Variants in INTS11 observed in about 807,000 individuals in gnomAD.
INTS11 encodes integrator complex subunit 11, also known as CPSF3-like protein.
A neutral mutation model predicts 78.6 loss-of-function variants in INTS11; 77 were observed. The observed-to-expected ratio is 0.98, with a 90% CI of 0.81 to 1.18. The LOEUF is 1.18. INTS11 is among the 50% of genes most tolerant of loss of function. The pLI, the probability that INTS11 is intolerant of heterozygous loss-of-function variation, is 0.00. For synonymous variants in INTS11, 441 were observed against 326.9 expected, an observed-to-expected ratio of 1.35 and a Z score of -3.77; for missense variants, 875 against 825.9, an observed-to-expected ratio of 1.06 and a Z score of -0.73.
In INTS11 at chr1:1,315,607, CTCA is replaced by C; in HGVS notation, c.438_440del (p.Asp146del). 6.2e-7 allele frequency: 1 copy of C among 1,609,632 alleles called. No homozygotes were observed. The highest frequency in any genetic ancestry group is 8.5e-7 in the Non-Finnish European group (1 of 1,178,524). ...CTGCATAGTAGGCCTTGATCTCCAG[CTCA>C]TCATCTACCTGTGGAGGACAGGGCT... On this transcript the variant is annotated inframe_deletion, in exon 5 of 17. Transcript: ENST00000435064.
chr1:1,318,910 G>A lies in INTS11; in HGVS notation c.429+386C>T, dbSNP rs1419619645. 3 of 712,790 alleles carry A rather than the reference G, an allele frequency of 4.2e-6. No individual in the cohort carries two copies. The South Asian group carries it at 4.5e-5, about 11-fold the overall frequency. 44.2% of individuals were successfully genotyped at this position (712,790 alleles called of 1,614,324 possible). On this transcript the variant is annotated intron_variant, in intron 4 of 16. Coordinates refer to ENST00000435064, the MANE Select transcript of INTS11 (RefSeq NM_017871.6). Reference sequence around the variant, plus strand: ...CAGAACCAGGCACCCTCCAGAGCTGGCCCATCTCCCCTCCAGCCCCTGCCT... The same window carrying A: ...CAGAACCAGGCACCCTCCAGAGCTGACCCATCTCCCCTCCAGCCCCTGCCT...
chr1:1,315,106 T>C (rs1190628767), intron 6 of INTS11, 144 bp from the exon 7 acceptor site: 4 of 1,039,966 alleles, frequency 3.8e-6, no homozygotes, highest in East Asian at 2.6e-5. Context: ...TAAAATGCTG[T>C]GGGCAGCACA....
At chr1:1,320,967 C>G (rs780878845) in intron 2 of INTS11, 29 bp downstream of exon 2, 1 of 1,595,836 alleles carries the variant, frequency 6.3e-7, no homozygotes, top group South Asian at 1.1e-5. Flanking sequence ...GCTCTCCCAG[C>G]CTCTGGGCCT....
Position 1,314,433 on chromosome 1 carries a change from G to A in INTS11, c.703-68C>T, listed in dbSNP as rs1274373602. 3 of 1,437,876 alleles carry A rather than the reference G, an allele frequency of 2.1e-6. No homozygotes were observed. Among genetic ancestry groups the A allele is most frequent in the Admixed American group, 2.1e-5 (1 of 46,804 alleles). 89.1% of individuals were successfully genotyped at this position (1,437,876 alleles called of 1,614,324 possible). A position where few individuals can be genotyped will look rare whatever the true frequency, so the allele number is the denominator to read the frequency against. ...CGACACAGCAGGCAGCGTCCAGTGA[G>A]GGCACGGCCAGGTGCCCAAGAGCTG... On this transcript the variant is annotated intron_variant, in intron 7 of 16. Coordinates refer to ENST00000435064, the MANE Select transcript of INTS11 (RefSeq NM_017871.6). The surrounding 1 kb of genome is among the most constrained non-coding windows in gnomAD (Gnocchi z 4.2).
intron 3 of INTS11, chr1:1,319,747 G>A: frequency 1.8e-6 from 1 of 568,372 alleles, no homozygotes. Flanking sequence ...ACACGTCGGT[G>A]ACGGCGACAT....
chr1:1,320,920 C>T (rs991403912), intron 2 of INTS11, 76 bp downstream of exon 2: 11 of 1,318,076 alleles, frequency 8.3e-6, no homozygotes, highest in African/African-American at 5.8e-5. Flanking sequence ...CCCCACTGTC[C>T]CGGCTCTGAG....
rs768639694 is a variant in INTS11, at chr1:1,314,965, G to A, written c.564-3C>T. ...GGCACTTGTCAATCCAGGCAGCTCT[G>A]GAACACGGGGGTGGGGGTGTGAGCC... On this transcript the variant is annotated splice_region_variant and splice_polypyrimidine_tract_variant and intron_variant, in intron 6 of 16. Transcript: ENST00000435064. This position sits in a 1 kb window ranked among gnomAD's most constrained non-coding sequence, Gnocchi z 4.2. 1.1e-5 allele frequency: 18 copies of A among 1,611,762 alleles called. 1 individual carries two copies. Among genetic ancestry groups the A allele is most frequent in the South Asian group, 8.8e-5 (8 of 91,068 alleles).
Position 1,324,626 on chromosome 1 carries a change from C to A in INTS11, c.-18G>T, listed in dbSNP as rs552908518. The A allele has an allele frequency of 1.3e-6, 2 of 1,598,642 alleles. No individual in the cohort carries two copies. The highest frequency in any genetic ancestry group is 1.7e-6 in the Non-Finnish European group (2 of 1,174,410). ...TCAGGCATCGTCTCCGCCGCGCTCCCGGACCCGCGAGGCCCGCCTGCGGTG... is the reference window on the plus strand; with the variant it reads ...TCAGGCATCGTCTCCGCCGCGCTCCAGGACCCGCGAGGCCCGCCTGCGGTG... On this transcript the variant is annotated 5_prime_UTR_variant, in exon 1 of 17. Transcript: ENST00000435064.
At position 1,312,141 on chromosome 1, in the gene INTS11, CA is replaced by C; in HGVS notation, c.1613del (p.Leu538ArgfsTer14). ...GGAGGTGCTGCACACAGTGGTCCTT[CA>C]GGACGCTGTGGGGAGGCTCGGTGAG... ...LRVYSHLKSV[L>X]KDHCVQHLPD... is the part of the protein sequence containing the mutation. On this transcript the variant is annotated frameshift_variant, in exon 16 of 17. Transcript: ENST00000435064. LOFTEE classifies it high-confidence loss of function. 2 of 1,525,654 alleles carry C rather than the reference CA, an allele frequency of 1.3e-6. No individual in the cohort carries two copies. The highest frequency in any genetic ancestry group is 1.8e-6 in the Non-Finnish European group (2 of 1,141,080). The allele number at this position is 1,525,654 out of a possible 1,614,324, so 94.5% of individuals were successfully genotyped here.
At position 1,314,247 on chromosome 1, in the gene INTS11, C is replaced by T; in HGVS notation, c.767+54G>A. ...TGGACAGGGCTGCCCACCAACTGGACTGTGTTCAGGCCGGGCCAGGGGCTC... is the reference window on the plus strand; with the variant it reads ...TGGACAGGGCTGCCCACCAACTGGATTGTGTTCAGGCCGGGCCAGGGGCTC... On this transcript the variant is annotated intron_variant, in intron 8 of 16. Transcript: ENST00000435064. This position sits in a 1 kb window ranked among gnomAD's most constrained non-coding sequence, Gnocchi z 4.2. The T allele has an allele frequency of 1.3e-6, 2 of 1,494,380 alleles. No individual in the cohort carries two copies. Among genetic ancestry groups the T allele is most frequent in the Non-Finnish European group, 1.8e-6 (2 of 1,094,764 alleles). 92.6% of individuals were successfully genotyped at this position (1,494,380 alleles called of 1,614,324 possible). A position where few individuals can be genotyped will look rare whatever the true frequency, so the allele number is the denominator to read the frequency against.
In INTS11 at chr1:1,324,495, G is replaced by A. The variant is rs1274071209; in HGVS notation, c.28+86C>T. ...GCCCGCGGCGCGCACCTGGCTCCAC[G>A]AGAAACGGGAGGGAGCGGGGCGCCC... On this transcript the variant is annotated intron_variant, in intron 1 of 16. Transcript: ENST00000435064. The A allele has an allele frequency of 2.9e-6, 4 of 1,402,146 alleles. No homozygotes were observed. The African/African-American group carries it at 4.5e-5, about 16-fold the overall frequency. The allele number at this position is 1,402,146 out of a possible 1,614,324, so 86.9% of individuals were successfully genotyped here. A position where few individuals can be genotyped will look rare whatever the true frequency, so the allele number is the denominator to read the frequency against.
chr1:1,312,081 G>T lies in INTS11; in HGVS notation c.1674C>A (p.Leu558=). 2 of 1,573,238 alleles carry T rather than the reference G, an allele frequency of 1.3e-6. No homozygotes were observed. Among genetic ancestry groups the T allele is most frequent in the Non-Finnish European group, 1.7e-6 (2 of 1,157,818 alleles). ...DGSVTVESVL[L]QAAAPSEDPG... is the part of the protein sequence containing the mutation. ...GGTCCTCAGAAGGGGCGGCGGCCTG[G>T]AGGAGGACGGACTCCACAGTCACAG... Residue 558 remains leucine, a synonymous_variant, in exon 16 of 17, where the codon CTC becomes CTA. Coordinates refer to ENST00000435064, the MANE Select transcript of INTS11 (RefSeq NM_017871.6).
chr1:1,313,356 T>C, intron 10 of INTS11, 153 bp downstream of exon 10: 1 of 941,660 alleles, frequency 1.1e-6, no homozygotes, highest in Non-Finnish European at 1.6e-6. Context: ...ACTGAGCAGC[T>C]CCAGGCGGAC....
rs1401336212 is a variant in INTS11, at chr1:1,324,657, C to T, written c.-49G>A. The T allele has an allele frequency of 1.9e-6, 3 of 1,590,668 alleles. No homozygotes were observed. The highest frequency in any genetic ancestry group is 2.8e-5 in the African/African-American group (2 of 71,844). ...CGCGAGGCCCGCCTGCGGTGATGCA[C>T]TGCGCAGGCGCAACCACCTCGCTGC... On this transcript the variant is annotated 5_prime_UTR_variant, in exon 1 of 17. In the 5' UTR this introduces an upstream ATG that the reference lacks. Coordinates refer to ENST00000435064, the MANE Select transcript of INTS11 (RefSeq NM_017871.6).
chr1:1,320,381 G>T, intron 3 of INTS11, 75 bp downstream of exon 3: 1 of 1,444,468 alleles, frequency 6.9e-7, no homozygotes, highest in Non-Finnish European at 9.7e-7. Context: ...GCCAAACGCT[G>T]CCGAGACCAA....
chr1:1,315,204 G>A (rs1021094353), intron 6 of INTS11, 200 bp downstream of exon 6: 25 of 739,058 alleles, frequency 3.4e-5, no homozygotes, highest in African/African-American at 1.9e-4. Context: ...CTTGGGAAGA[G>A]AGAGAAGGAG....
At chr1:1,322,036 G>T in intron 1 of INTS11, 1 of 1,199,664 alleles carries the variant, frequency 8.3e-7, no homozygotes, top group Non-Finnish European at 1.1e-6. Flanking sequence ...TCCTGCCCCC[G>T]CTGGGTGTGA....
chr1:1,312,213 G>GGGGGGGCCCCCCCCCC lies in INTS11; in HGVS notation c.1607+12_1607+13insGGGGGGGGGGCCCCCC. The GGGGGGGCCCCCCCCCC allele has an allele frequency of 8.6e-6, 8 of 934,346 alleles. No homozygotes were observed. The highest frequency in any genetic ancestry group is 1.3e-5 in the Non-Finnish European group (8 of 636,400). The allele number at this position is 934,346 out of a possible 1,614,324, so 57.9% of individuals were successfully genotyped here. On this transcript the variant is annotated intron_variant, in intron 15 of 16. Transcript: ENST00000435064. ...CCCAAGGGAGTGGGGGGGGGGCGGG[G>GGGGGGGCCCCCCCCCC]CCGGGCGCCCACCTCTTGAGGTGGC...
At chr1:1,323,292 G>A (rs1175651667) in intron 1 of INTS11, 1 of 1,548,834 alleles carries the variant, frequency 6.5e-7, no homozygotes, top group East Asian at 2.4e-5. Context: ...AGGCACCTGT[G>A]GAAAACGCTA....
Sources: allele counts gnomAD v4.1 joint callset, GRCh38; gene constraint gnomAD v4.1.1; non-coding constraint Gnocchi (gnomAD v3.1); transcripts MANE v1.5; gene names NCBI Gene and HGNC (gene_info 2026-07-23, HGNC 2026-07-21).